The following TMCO5A variants were observed in gnomAD, a reference collection of about 807,000 sequenced individuals.
TMCO5A encodes the protein transmembrane and coiled-coil domains 5A, also known as transmembrane and coiled-coil domain-containing protein 5A.
TMCO5A carries 34 observed loss-of-function variants against 42.3 expected under a neutral mutation model. The ratio of observed to expected loss-of-function variants is 0.80; its 90% CI spans 0.61 to 1.07. The LOEUF is 1.07. Ranked by LOEUF, TMCO5A falls within the 50% of genes least tolerant of loss-of-function variation. The probability of loss-of-function intolerance (pLI) is 0.00; values close to 1 mark genes in which losing one functional copy is unlikely to be tolerated. For missense variants in TMCO5A, 357 were observed against 327.9 expected (o/e 1.09, Z -0.69); for synonymous variants, 131 against 115.6 (o/e 1.13, Z -0.86).
chr15:37,986,380 GGTGTGTGTGTGT>G, the TMCO5A span, among the ~76,000 whole-genome samples: 49 of 139,292 alleles, frequency 3.5e-4, no homozygotes, highest in African/African-American at 9.5e-4. Flanking sequence ...GGTAAGGGAT[GGTGTGTGTGTGT>G]GTGTGTGTGT....
chr15:37,976,750 A>G, the TMCO5A span, among the ~76,000 whole-genome samples: 1 of 149,788 alleles, frequency 6.7e-6, no homozygotes, highest in South Asian at 2.1e-4. Flanking sequence ...TTTCAGCTCC[A>G]TCAGATCAGT....
chr15:37,947,116 G>A lies in TMCO5A; in HGVS notation c.628-540G>A, dbSNP rs977904103. ...TATGCATCTATTGAGATAATCATGG[G>A]TTTTTGTTTTTAGTTCTGTTTATGT... On this transcript the variant is annotated intron_variant, in intron 10 of 11. Transcript: ENST00000319669. 2.6e-5 allele frequency among the ~76,000 whole-genome samples: 4 copies of A among 152,050 alleles called. No homozygotes were observed. In the South Asian group the frequency reaches 8.3e-4, roughly 31 times the overall value.
At chr15:37,981,751 T>C in the TMCO5A span, among the ~76,000 whole-genome samples, 3 of 152,218 alleles carry the variant, frequency 2.0e-5, no homozygotes, top group Admixed American at 2.0e-4. Flanking sequence ...CATTTTTATG[T>C]AGCATGAGGT....
chr15:37,987,364 C>A, the TMCO5A span, among the ~76,000 whole-genome samples: 8 of 151,852 alleles, frequency 5.3e-5, no homozygotes, highest in African/African-American at 1.9e-4. Flanking sequence ...TCAATTAAGT[C>A]TTTTGAGGCC....
chr15:37,957,237 C>T (rs1010459648), intron 11 of TMCO5A, among the ~76,000 whole-genome samples: 2 of 152,062 alleles, frequency 1.3e-5, no homozygotes, highest in African/African-American at 4.8e-5. Context: ...GAAGTTCTGG[C>T]CAGGGCAATC....
chr15:37,997,886 ATT>A, the TMCO5A span, among the ~76,000 whole-genome samples: 1 of 151,946 alleles, frequency 6.6e-6, no homozygotes, highest in Non-Finnish European at 1.5e-5. Flanking sequence ...ATTGTCTGTC[ATT>A]TGAATAACTG....
At chr15:37,938,300 C>T in intron 6 of TMCO5A, 71 bp downstream of exon 6, 1 of 1,302,472 alleles carries the variant, frequency 7.7e-7, no homozygotes, top group Non-Finnish European at 1.1e-6. Context: ...AGTTGGAAAT[C>T]AATGTCAACG....
At chr15:37,937,502 G>A (rs1329678296) in intron 5 of TMCO5A, 106 bp downstream of exon 5, 1 of 1,189,426 alleles carries the variant, frequency 8.4e-7, no homozygotes, top group East Asian at 2.4e-5. Context: ...AGTCAGAGAG[G>A]CCTGTATGTG....
the TMCO5A span, among the ~76,000 whole-genome samples, chr15:38,007,927 T>A: frequency 3.2e-5 from 4 of 125,428 alleles, no homozygotes; most frequent in East Asian, 7.9e-4. Context: ...ACAGAGTCTC[T>A]CTCTGTTGCC....
intron 11 of TMCO5A, 65 bp downstream of exon 11, chr15:37,947,761 G>A: frequency 1.8e-6 from 2 of 1,117,872 alleles, no homozygotes; most frequent in South Asian, 2.6e-5. Flanking sequence ...TATTCGGGCA[G>A]AGGGAAAAGT....
At chr15:37,971,334 G>C (rs1890669832), downstream of TMCO5A, among the ~76,000 whole-genome samples, 1 of 152,180 alleles carries the variant, frequency 6.6e-6, no homozygotes, top group African/African-American at 2.4e-5. Flanking sequence ...TAGAGTGGCT[G>C]GAACACAAGG....
chr15:37,972,467 A>G (rs1293668389), downstream of TMCO5A, among the ~76,000 whole-genome samples: 2 of 152,124 alleles, frequency 1.3e-5, no homozygotes, highest in Admixed American at 6.5e-5. Context: ...AGTTTTTAAT[A>G]ATAGCCATTC....
At chr15:38,023,929 T>G in the TMCO5A span, among the ~76,000 whole-genome samples, 3 of 152,210 alleles carry the variant, frequency 2.0e-5, no homozygotes, top group African/African-American at 7.2e-5. Flanking sequence ...TCACCATTCA[T>G]TCTGTATTCT....
At chr15:37,967,865 C>T (rs893118674), downstream of TMCO5A, 2 of 152,160 alleles carry the variant, frequency 1.3e-5, no homozygotes, top group Non-Finnish European at 2.9e-5. Flanking sequence ...CCTGGGACTC[C>T]TTGGTCCACT....
intron 10 of TMCO5A, chr15:37,943,737 C>T (rs892919898): frequency 1.1e-4 from 23 of 214,390 alleles, no homozygotes; most frequent in Non-Finnish European, 2.0e-4. Context: ...TCTTCCATCT[C>T]CTACAATCAC....
chr15:37,958,307 T>C (rs1191383845), intron 11 of TMCO5A, among the ~76,000 whole-genome samples: 1 of 152,090 alleles, frequency 6.6e-6, no homozygotes, highest in African/African-American at 2.4e-5. Flanking sequence ...ACAGGCAACC[T>C]ACAGAATGGG....
the TMCO5A span, among the ~76,000 whole-genome samples, chr15:37,984,416 G>A: frequency 3.3e-5 from 5 of 152,254 alleles, no homozygotes; most frequent in African/African-American, 1.2e-4. Flanking sequence ...GACCAGAAAA[G>A]CTAATATTCA....
At chr15:38,029,626 AT>A in the TMCO5A span, among the ~76,000 whole-genome samples, 2 of 152,028 alleles carry the variant, frequency 1.3e-5, no homozygotes, top group African/African-American at 4.8e-5. Context: ...TCCTTGGCTA[AT>A]TTTTTTAAAT....
the TMCO5A span, among the ~76,000 whole-genome samples, chr15:37,995,022 T>G: frequency 1.3e-5 from 2 of 152,142 alleles, no homozygotes. Flanking sequence ...AAGGAAATAA[T>G]AATACTGGCA....
Sources: gnomAD v4.1 joint callset for allele counts (sites outside exome capture counted in the v4.1 genomes callset) on GRCh38, gnomAD v4.1.1 for gene constraint, MANE v1.5 for transcripts, NCBI Gene and HGNC (gene_info 2026-07-23, HGNC 2026-07-21) for gene names.